Variants in EFHC2 observed in about 807,000 individuals in gnomAD.
The protein encoded by EFHC2 is EF-hand domain-containing family member C2.
A neutral mutation model predicts 52.7 loss-of-function variants in EFHC2; 18 were observed. The observed-to-expected ratio is 0.34, with a 90% CI of 0.24 to 0.51. The LOEUF (loss-of-function observed/expected upper bound fraction) is 0.51, where lower values mean the gene tolerates loss of function less well. EFHC2 is among the 20% of genes least tolerant of loss of function. The pLI is 0.97. For synonymous variants in EFHC2, 203 were observed against 204.1 expected, an observed-to-expected ratio of 0.99 and a Z score of 0.04; for missense variants, 513 against 562.5, an observed-to-expected ratio of 0.91 and a Z score of 0.89.
At chrX:44,343,443 G>A (rs2038164558) in intron 1 of EFHC2, 104 bp downstream of exon 1, 1 of 1,041,130 alleles carries the variant, frequency 9.6e-7, no homozygotes, top group African/African-American at 1.9e-5. Flanking sequence ...CAGGGCAGCA[G>A]CATGGGGCCT....
chrX:44,189,841 A>G (rs1266779978), intron 11 of EFHC2, among the ~76,000 whole-genome samples: 1 of 111,160 alleles, frequency 9.0e-6, no homozygotes, highest in Non-Finnish European at 1.9e-5. Flanking sequence ...ATGTGGGGGC[A>G]TGGGTGTGGT....
intron 2 of EFHC2, among the ~76,000 whole-genome samples, chrX:44,283,532 C>CTTTTTTTT (rs3049061): frequency 1.1e-5 from 1 of 88,585 alleles, no homozygotes; most frequent in Admixed American, 1.3e-4. Flanking sequence ...ACGGAAGTAC[C>CTTTTTTTT]TTTTTTTTTT....
chrX:44,315,037 C>T (rs758276896), intron 1 of EFHC2, among the ~76,000 whole-genome samples: 25 of 111,208 alleles, frequency 2.2e-4, no homozygotes, highest in African/African-American at 7.2e-4. Context: ...GTGATTGGAT[C>T]GTGGGGGCAG....
chrX:44,314,573 G>A (rs770506730), intron 1 of EFHC2, among the ~76,000 whole-genome samples: 6 of 110,083 alleles, frequency 5.5e-5, no homozygotes, highest in South Asian at 3.9e-4. Context: ...ATCAATTGTC[G>A]CTACCTCCAC....
intron 11 of EFHC2, among the ~76,000 whole-genome samples, chrX:44,215,877 G>A (rs1008837583): frequency 9.0e-6 from 1 of 110,905 alleles, no homozygotes; most frequent in African/African-American, 3.3e-5. Context: ...CACACACAAC[G>A]TGTGTATGTA....
At chrX:44,218,777 C>A (rs1241364330) in intron 11 of EFHC2, among the ~76,000 whole-genome samples, 1 of 112,118 alleles carries the variant, frequency 8.9e-6, no homozygotes, top group Non-Finnish European at 1.9e-5. Context: ...AAAGGTCTGG[C>A]AGTTTCTCAA....
chrX:44,171,430 G>T (rs1569275679), intron 13 of EFHC2, among the ~76,000 whole-genome samples: 1 of 111,338 alleles, frequency 9.0e-6, no homozygotes, highest in East Asian at 2.8e-4. Flanking sequence ...TAGGGGAATG[G>T]TCTGGAAGGG....
chrX:44,278,662 G>A (rs1211513536), intron 2 of EFHC2, among the ~76,000 whole-genome samples: 1 of 111,068 alleles, frequency 9.0e-6, no homozygotes, highest in Non-Finnish European at 1.9e-5. Context: ...CATGTGACAG[G>A]TGTCCTGCCC....
chrX:44,229,125 T>C (rs931770916), intron 11 of EFHC2, among the ~76,000 whole-genome samples: 2 of 112,454 alleles, frequency 1.8e-5, no homozygotes, highest in African/African-American at 3.2e-5. Flanking sequence ...ACTACTGTCA[T>C]ATATTTTTCC....
At chrX:44,305,697 T>A (rs1021983720) in intron 2 of EFHC2, among the ~76,000 whole-genome samples, 2 of 111,148 alleles carry the variant, frequency 1.8e-5, no homozygotes, top group East Asian at 5.6e-4. Flanking sequence ...ATCTCTGAAA[T>A]ATAGCCTGAT....
At position 44,148,443 on chromosome X, in the gene EFHC2, A is replaced by G. The variant is rs1230585583; in HGVS notation, c.*352T>C. ...CAACTTATTGCTGTGATATAATTTG[A>G]TTTTGTATTGTCATGTATAACCTTC... is the stretch of plus-strand genomic sequence containing the variant. On this transcript the variant is annotated 3_prime_UTR_variant, in exon 15 of 15. Transcript: ENST00000420999. 2 of 141,431 alleles carry G rather than the reference A, an allele frequency of 1.4e-5. No individual in the cohort carries two copies. The highest frequency in any genetic ancestry group is 1.8e-4 in the Admixed American group (2 of 10,973). The allele number at this position is 141,431 out of a possible 1,213,427, so 11.7% of individuals were successfully genotyped here.
At chrX:44,195,981 T>G (rs1270310504) in intron 11 of EFHC2, among the ~76,000 whole-genome samples, 2 of 112,080 alleles carry the variant, frequency 1.8e-5, no homozygotes, top group African/African-American at 6.5e-5. Flanking sequence ...AGTGGTGTGA[T>G]CACAGCTCCC....
intron 3 of EFHC2, among the ~76,000 whole-genome samples, chrX:44,263,169 C>G (rs1372201561): frequency 1.8e-5 from 2 of 112,083 alleles, no homozygotes; most frequent in African/African-American, 3.2e-5. Flanking sequence ...AAAAGGAAAG[C>G]AGAACAAACT....
Position 44,312,147 on chromosome X carries a change from TAGG to T in EFHC2, c.231+418_231+420del, listed in dbSNP as rs779013439. 1.1e-3 allele frequency among the ~76,000 whole-genome samples: 129 copies of T among 112,333 alleles called. 1 individual carries two copies. Among genetic ancestry groups the T allele is most frequent in the African/African-American group, 3.9e-3 (122 of 30,974 alleles). Reference sequence around the variant, plus strand: ...TAGTCAAAAGAAGCAAAATTTCACTTAGGAGGAATACGTTTAAGAGATCTATTG... The same window carrying T: ...TAGTCAAAAGAAGCAAAATTTCACTTAGGAATACGTTTAAGAGATCTATTG... On this transcript the variant is annotated intron_variant, in intron 2 of 14. Coordinates refer to ENST00000420999, the MANE Select transcript of EFHC2 (RefSeq NM_025184.4).
chrX:44,238,065 T>C (rs1483601187), intron 8 of EFHC2, among the ~76,000 whole-genome samples: 1 of 111,745 alleles, frequency 8.9e-6, no homozygotes, highest in African/African-American at 3.3e-5. Context: ...TGATATCTAA[T>C]AGACATCCCA....
At chrX:44,242,950 G>A (rs1164016502) in intron 7 of EFHC2, among the ~76,000 whole-genome samples, 3 of 111,774 alleles carry the variant, frequency 2.7e-5, no homozygotes, top group Admixed American at 9.5e-5. Flanking sequence ...GCAATGAAGC[G>A]AACAAACAAA....
chrX:44,265,131 T>C (rs1294098471), intron 3 of EFHC2, among the ~76,000 whole-genome samples: 2 of 111,995 alleles, frequency 1.8e-5, no homozygotes, highest in Non-Finnish European at 3.8e-5. Context: ...AAAGTGACCA[T>C]ATATCCATTT....
At chrX:44,243,639 C>T (rs921804615) in intron 7 of EFHC2, among the ~76,000 whole-genome samples, 2 of 111,787 alleles carry the variant, frequency 1.8e-5, no homozygotes, top group African/African-American at 3.3e-5. Context: ...TGTGAAATTT[C>T]CCCAAAAACA....
chrX:44,179,514 C>A (rs2036817599), intron 11 of EFHC2, among the ~76,000 whole-genome samples: 1 of 111,948 alleles, frequency 8.9e-6, no homozygotes, highest in Admixed American at 9.5e-5. Context: ...TCTAATAATT[C>A]TAGATTCTCC....
Sources: gnomAD v4.1 joint callset for allele counts (sites outside exome capture counted in the v4.1 genomes callset) on GRCh38, gnomAD v4.1.1 for gene constraint, MANE v1.5 for transcripts, NCBI Gene and HGNC (gene_info 2026-07-23, HGNC 2026-07-21) for gene names.